The following ASIC2 variants were observed in gnomAD, a reference collection of about 807,000 sequenced individuals.
ASIC2 encodes acid sensing ion channel subunit 2.
ASIC2 carries 25 observed loss-of-function variants against 57.3 expected under a neutral mutation model. That is an observed-to-expected ratio of 0.44 (90% CI 0.32 to 0.61). The LOEUF (loss-of-function observed/expected upper bound fraction) is 0.61, where lower values mean the gene tolerates loss of function less well. Among genes scored for constraint, ASIC2 ranks in the 20% least tolerant of loss-of-function variants. ASIC2 has a pLI of 0.06. For missense variants in ASIC2, 641 were observed against 738.1 expected (o/e 0.87, Z 1.52); for synonymous variants, 319 against 307.5 (o/e 1.04, Z -0.39).
intron 1 of ASIC2, among the ~76,000 whole-genome samples, chr17:33,712,560 A>T (rs1328000576): frequency 3.5e-5 from 5 of 142,816 alleles, no homozygotes; most frequent in Non-Finnish European, 7.6e-5. Flanking sequence ...AACCAAGGTG[A>T]TGGCTGGAAC....
chr17:34,000,003 C>A (rs1906282572), intron 1 of ASIC2, among the ~76,000 whole-genome samples: 1 of 151,312 alleles, frequency 6.6e-6, no homozygotes, highest in African/African-American at 2.4e-5. Flanking sequence ...CTTCATTTCT[C>A]AAGGACAGCT....
chr17:33,494,938 GTCTC>G (rs1913880262), intron 1 of ASIC2, among the ~76,000 whole-genome samples: 1 of 152,142 alleles, frequency 6.6e-6, no homozygotes. Flanking sequence ...GTGCTCCAGG[GTCTC>G]TCTCTATACT....
chr17:33,370,429 A>C (rs1268459879), intron 1 of ASIC2, among the ~76,000 whole-genome samples: 2 of 152,246 alleles, frequency 1.3e-5, no homozygotes, highest in Non-Finnish European at 2.9e-5. Context: ...ATGGAGAATC[A>C]ACATAAGGGG....
chr17:33,514,393 C>T (rs1030175479), intron 1 of ASIC2, among the ~76,000 whole-genome samples: 2 of 152,102 alleles, frequency 1.3e-5, no homozygotes, highest in African/African-American at 2.4e-5. Context: ...TTCCACACCC[C>T]CCTCAACCTC....
At chr17:33,735,243 C>T (rs1218293307) in intron 1 of ASIC2, among the ~76,000 whole-genome samples, 1 of 152,100 alleles carries the variant, frequency 6.6e-6, no homozygotes, top group Non-Finnish European at 1.5e-5. Context: ...GACAAGAGCC[C>T]CTCCATGGAG....
chr17:33,665,745 T>C (rs540280516), intron 1 of ASIC2, among the ~76,000 whole-genome samples: 3 of 152,288 alleles, frequency 2.0e-5, no homozygotes, highest in Admixed American at 2.0e-4. Flanking sequence ...TTTCTCCATC[T>C]AATTGCTCAA....
intron 1 of ASIC2, among the ~76,000 whole-genome samples, chr17:33,819,885 T>C (rs569102277): frequency 6.6e-6 from 1 of 152,314 alleles, no homozygotes; most frequent in East Asian, 1.9e-4. Flanking sequence ...GAAAATCTAA[T>C]CTGGAAAGAG....
intron 3 of ASIC2, among the ~76,000 whole-genome samples, chr17:33,065,374 T>A (rs2092039305): frequency 6.6e-6 from 1 of 151,744 alleles, no homozygotes; most frequent in African/African-American, 2.4e-5. Context: ...GGGGTCTCAC[T>A]ATGATGCCCA....
intron 1 of ASIC2, among the ~76,000 whole-genome samples, chr17:34,120,660 T>G (rs1555599527): frequency 6.7e-6 from 1 of 150,020 alleles, no homozygotes; most frequent in Non-Finnish European, 1.5e-5. Context: ...ATGTACTAGT[T>G]AAGACAAGGT....
intron 1 of ASIC2, among the ~76,000 whole-genome samples, chr17:33,708,407 C>T (rs778289404): frequency 2.6e-5 from 4 of 152,072 alleles, no homozygotes; most frequent in Non-Finnish European, 4.4e-5. Context: ...TCTTGATCTT[C>T]GTCTTCATAA....
At chr17:33,091,422 G>C (rs551878599) in intron 2 of ASIC2, among the ~76,000 whole-genome samples, 1 of 152,222 alleles carries the variant, frequency 6.6e-6, no homozygotes, top group Non-Finnish European at 1.5e-5. Flanking sequence ...AGAGATGCCA[G>C]AACTTGTTTT....
At chr17:33,799,451 T>C (rs555833330) in intron 1 of ASIC2, among the ~76,000 whole-genome samples, 3 of 100,590 alleles carry the variant, frequency 3.0e-5, no homozygotes, top group African/African-American at 7.6e-5. Context: ...TCTTTCTTTC[T>C]TTCTTTCTTT....
chr17:33,265,367 T>G (rs1468833589), intron 1 of ASIC2, among the ~76,000 whole-genome samples: 3 of 152,198 alleles, frequency 2.0e-5, no homozygotes, highest in Non-Finnish European at 4.4e-5. Flanking sequence ...TGGACATGGA[T>G]GGAGCTGGAA....
chr17:33,772,113 C>T (rs1181274864), intron 1 of ASIC2, among the ~76,000 whole-genome samples: 1 of 152,184 alleles, frequency 6.6e-6, no homozygotes, highest in Non-Finnish European at 1.5e-5. Context: ...AGGAGCAGAA[C>T]CCCTTTTCCT....
At chr17:33,287,217 G>C (rs1049432786) in intron 1 of ASIC2, among the ~76,000 whole-genome samples, 2 of 152,286 alleles carry the variant, frequency 1.3e-5, no homozygotes, top group Non-Finnish European at 2.9e-5. Flanking sequence ...TATTACCAGA[G>C]GCTCATGGAG....
At chr17:33,614,191 T>C (rs1905520522) in intron 1 of ASIC2, among the ~76,000 whole-genome samples, 1 of 152,224 alleles carries the variant, frequency 6.6e-6, no homozygotes, top group Admixed American at 6.5e-5. Flanking sequence ...GGTGTCCTTA[T>C]TATTATCCAC....
intron 1 of ASIC2, among the ~76,000 whole-genome samples, chr17:33,342,577 A>T (rs1394551286): frequency 6.6e-6 from 1 of 152,114 alleles, no homozygotes; most frequent in African/African-American, 2.4e-5. Flanking sequence ...GGGGAATCAC[A>T]TGATGGTCCT....
At chr17:33,065,687 A>G (rs2092040625) in intron 3 of ASIC2, among the ~76,000 whole-genome samples, 1 of 152,164 alleles carries the variant, frequency 6.6e-6, no homozygotes, top group African/African-American at 2.4e-5. Flanking sequence ...AGTGTCTACC[A>G]TGTGCAAGAA....
intron 1 of ASIC2, among the ~76,000 whole-genome samples, chr17:34,066,565 T>C (rs1395039388): frequency 6.6e-6 from 1 of 152,198 alleles, no homozygotes; most frequent in African/African-American, 2.4e-5. Flanking sequence ...GCCTTTCACA[T>C]GGCCTGCAAA....
Sources: allele counts gnomAD v4.1 joint callset (sites outside exome capture counted in the v4.1 genomes callset), GRCh38; gene constraint gnomAD v4.1.1; transcripts MANE v1.5; gene names NCBI Gene and HGNC (gene_info 2026-07-23, HGNC 2026-07-21).